Variants in SRP72 observed in about 807,000 individuals in gnomAD.
SRP72 encodes signal recognition particle subunit SRP72.
In SRP72, 49 loss-of-function variants were observed where a neutral mutation model predicts 96.3. The observed-to-expected ratio is 0.51, with a 90% CI of 0.40 to 0.65. The LOEUF (loss-of-function observed/expected upper bound fraction) is 0.65, where lower values mean the gene tolerates loss of function less well. SRP72 is among the 30% of genes least tolerant of loss of function. The pLI, the probability that SRP72 is intolerant of heterozygous loss-of-function variation, is 0.00. For missense variants in SRP72, 736 were observed against 793.3 expected (o/e 0.93, Z 0.87); for synonymous variants, 267 against 275.2 (o/e 0.97, Z 0.30).
chr4:56,495,480 T>C, intron 17 of SRP72, 86 bp downstream of exon 17: 1 of 808,750 alleles, frequency 1.2e-6, no homozygotes, highest in East Asian at 2.9e-5. Context: ...GACATAAATA[T>C]ACTGCCCTCC....
intron 3 of SRP72, among the ~76,000 whole-genome samples, chr4:56,473,275 T>C (rs6831869): frequency 0.13 from 19,713 of 151,680 alleles, 1,619 homozygotes; most frequent in East Asian, 0.27. Context: ...CTGGCTAACA[T>C]GATGAAACCC....
At position 56,481,068 on chromosome 4, in the gene SRP72, G is replaced by T. The variant is rs952625728; in HGVS notation, c.826-2071G>T. Among the ~76,000 whole-genome samples, 3 of 152,178 alleles carry T rather than the reference G, an allele frequency of 2.0e-5. No individual in the cohort carries two copies. The East Asian group carries it at 5.8e-4, about 29-fold the overall frequency. On this transcript the variant is annotated intron_variant, in intron 8 of 18. Coordinates refer to ENST00000642900, the MANE Select transcript of SRP72 (RefSeq NM_006947.4). ...AGTTTAAGAAAAGTCTGGCAGTGACGTGCACAATTAATTGAAGTATTAAAA... is the reference window on the plus strand; with the variant it reads ...AGTTTAAGAAAAGTCTGGCAGTGACTTGCACAATTAATTGAAGTATTAAAA...
chr4:56,483,864 T>C (rs906338275), intron 9 of SRP72, among the ~76,000 whole-genome samples: 2 of 152,012 alleles, frequency 1.3e-5, no homozygotes, highest in Non-Finnish European at 1.5e-5. Flanking sequence ...TCAAAGATGC[T>C]AGCCATGATT....
intron 10 of SRP72, among the ~76,000 whole-genome samples, chr4:56,485,187 C>G (rs952537548): frequency 6.6e-6 from 1 of 152,110 alleles, no homozygotes; most frequent in African/African-American, 2.4e-5. Context: ...TTGCAATAAT[C>G]TGATCTCCAG....
intron 3 of SRP72, among the ~76,000 whole-genome samples, chr4:56,472,356 T>C (rs1034563676): frequency 1.3e-5 from 2 of 150,944 alleles, no homozygotes; most frequent in African/African-American, 4.9e-5. Flanking sequence ...TTCTTTTTTT[T>C]TTTTTTTTTT....
Position 56,469,891 on chromosome 4 carries a change from T to TG in SRP72, c.230+118_230+119insG, listed in dbSNP as rs968373857. 5.6e-5 allele frequency: 56 copies of TG among 997,102 alleles called. No homozygotes were observed. In the African/African-American group the frequency reaches 8.9e-4, roughly 16 times the overall value. The allele number at this position is 997,102 out of a possible 1,614,324, so 61.8% of individuals were successfully genotyped here. A position where few individuals can be genotyped will look rare whatever the true frequency, so the allele number is the denominator to read the frequency against. On this transcript the variant is annotated intron_variant, in intron 2 of 18. Transcript: ENST00000642900. ...TTTTTTAACGTTTTTTTCCTTCCTT[T>TG]TTTTCCCCCCTTTTGCTTGTCAATA...
intron 16 of SRP72, among the ~76,000 whole-genome samples, chr4:56,493,375 T>C (rs1261759476): frequency 6.6e-6 from 1 of 152,184 alleles, no homozygotes; most frequent in Non-Finnish European, 1.5e-5. Flanking sequence ...AGATATACAT[T>C]GACTTTTTAA....
chr4:56,499,414 A>G (rs1721183898), intron 17 of SRP72, among the ~76,000 whole-genome samples: 1 of 152,220 alleles, frequency 6.6e-6, no homozygotes. Context: ...CTGCACAGCA[A>G]AAGAAGCTAT....
chr4:56,473,054 C>A (rs1028946907), intron 3 of SRP72, among the ~76,000 whole-genome samples: 1 of 151,950 alleles, frequency 6.6e-6, no homozygotes, highest in South Asian at 2.1e-4. Flanking sequence ...TAATTTTGTT[C>A]CTATTTTAGT....
intron 17 of SRP72, among the ~76,000 whole-genome samples, chr4:56,498,048 ACTC>A (rs1721138812): frequency 4.0e-5 from 6 of 151,804 alleles, no homozygotes; most frequent in Admixed American, 3.9e-4. Context: ...ATTTTTTTCC[ACTC>A]CTCTATTATA....
At chr4:56,486,239 A>G in intron 10 of SRP72, 86 bp from the exon 11 acceptor site, 2 of 976,212 alleles carry the variant, frequency 2.0e-6, no homozygotes, top group South Asian at 4.2e-5. Context: ...TGGATTTAAA[A>G]TCTTATGTAG....
intron 10 of SRP72, among the ~76,000 whole-genome samples, chr4:56,485,875 C>T (rs965892834): frequency 6.6e-6 from 1 of 152,058 alleles, no homozygotes; most frequent in East Asian, 1.9e-4. Flanking sequence ...CTTTAAAAAT[C>T]ATTACTCCCT....
Position 56,474,124 on chromosome 4 carries a change from A to G in SRP72, c.425A>G (p.Asp142Gly). ...YRDLVRNSQD[D>G]YDEERKTNLS... is the part of the protein sequence containing the mutation. ...GATCTCGTCCGAAACTCCCAAGATG[A>G]TTATGATGAGGAGAGGAAAACAAAC... is the stretch of plus-strand genomic sequence containing the variant. The change falls in exon 4 of 19, where the codon GAT becomes GGT. Residue 142 changes from aspartate (D) to glycine (G), a missense_variant. Asp to Gly is a moderately conservative substitution (Grantham distance 94). Transcript: ENST00000642900. The G allele has an allele frequency of 6.2e-7, 1 of 1,614,208 alleles. No individual in the cohort carries two copies. The highest frequency in any genetic ancestry group is 8.5e-7 in the Non-Finnish European group (1 of 1,180,040).
At position 56,489,439 on chromosome 4, in the gene SRP72, A is replaced by G. The variant is rs780222966; in HGVS notation, c.1276A>G (p.Ile426Val). The G allele has an allele frequency of 2.5e-6, 4 of 1,602,926 alleles. No individual in the cohort carries two copies. Among genetic ancestry groups the G allele is most frequent in the African/African-American group, 1.3e-5 (1 of 74,954 alleles). The change falls in exon 13 of 19, where the codon ATT (isoleucine) becomes GTT (valine). Residue 426 changes from isoleucine to valine, a missense_variant. Coordinates refer to ENST00000642900, the MANE Select transcript of SRP72 (RefSeq NM_006947.4). ...CCATGAAGAAGATATTGATAGTGCC[A>G]TTGAGGTCTTCACACAAGCTATCCA... Reference protein sequence around the residue: ...YSHEEDIDSAIEVFTQAIQWY... With the variant: ...YSHEEDIDSAVEVFTQAIQWY...
At chr4:56,495,706 G>C (rs1721053926) in intron 17 of SRP72, among the ~76,000 whole-genome samples, 1 of 152,162 alleles carries the variant, frequency 6.6e-6, no homozygotes, top group Non-Finnish European at 1.5e-5. Flanking sequence ...GATACTACAT[G>C]TAAAGTTCTT....
chr4:56,485,833 G>T (rs1484126397), intron 10 of SRP72, among the ~76,000 whole-genome samples: 1 of 151,974 alleles, frequency 6.6e-6, no homozygotes, highest in Admixed American at 6.6e-5. Context: ...GGTTGGAAAT[G>T]TATGACTGCC....
rs1414605616 is a variant in SRP72 at position 56,490,341 on chromosome 4, T to A, written c.1329T>A (p.Ser443=). 5.6e-6 allele frequency: 9 copies of A among 1,608,088 alleles called. No individual in the cohort carries two copies. The highest frequency in any genetic ancestry group is 7.6e-6 in the Non-Finnish European group (9 of 1,178,598). ...IQWYQNHQPK[S]PAHLSLIREA... is the part of the protein sequence containing the mutation. ...TTTTATTGAAACTGTAGCCAAAATC[T>A]CCTGCTCATTTGTCCTTGATAAGAG... The change falls in exon 14 of 19, where the codon TCT becomes TCA. Residue 443 remains serine (S), a synonymous_variant. Coordinates refer to ENST00000642900, the MANE Select transcript of SRP72 (RefSeq NM_006947.4).
Position 56,502,023 on chromosome 4 carries a change from C to T in SRP72, c.*162C>T. Reference sequence around the variant, plus strand: ...GGGAAACATCTTCCTCAAAGTCTGCCTAGTGAGATATGGCCTACTGGTTGC... The same window carrying T: ...GGGAAACATCTTCCTCAAAGTCTGCTTAGTGAGATATGGCCTACTGGTTGC... On this transcript the variant is annotated 3_prime_UTR_variant, in exon 19 of 19. Transcript: ENST00000642900. 1 of 767,344 alleles carries T rather than the reference C, an allele frequency of 1.3e-6. No homozygotes were observed. Among genetic ancestry groups the T allele is most frequent in the Admixed American group, 2.7e-5 (1 of 37,404 alleles). The allele number at this position is 767,344 out of a possible 1,614,324, so 47.5% of individuals were successfully genotyped here.
At chr4:56,484,983 A>G in intron 10 of SRP72, 119 bp downstream of exon 10, 1 of 1,223,444 alleles carries the variant, frequency 8.2e-7, no homozygotes, top group Non-Finnish European at 1.1e-6. Flanking sequence ...ATGTACCACT[A>G]CACAAATTTC....
Sources: gnomAD v4.1 joint callset for allele counts (sites outside exome capture counted in the v4.1 genomes callset) on GRCh38, gnomAD v4.1.1 for gene constraint, MANE v1.5 for transcripts, NCBI Gene and HGNC (gene_info 2026-07-23, HGNC 2026-07-21) for gene names.